NCKAP5: variants seen among roughly 807,000 people sequenced by gnomAD.
NCKAP5 encodes the protein NCK associated protein 5.
A neutral mutation model predicts 167.0 loss-of-function variants in NCKAP5; 92 were observed. The observed-to-expected ratio is 0.55, with a 90% CI of 0.47 to 0.66. The LOEUF (loss-of-function observed/expected upper bound fraction) is 0.66, where lower values mean the gene tolerates loss of function less well. NCKAP5 is among the 30% of genes least tolerant of loss of function. The probability of loss-of-function intolerance (pLI) is 0.00; values close to 1 mark genes in which losing one functional copy is unlikely to be tolerated. For synonymous variants in NCKAP5, 891 were observed against 877.4 expected (o/e 1.02, Z -0.27); for missense variants, 2,378 against 2,315.0 (o/e 1.03, Z -0.56).
intron 15 of NCKAP5, 78 bp from the exon 16 acceptor site, chr2:132,773,972 A>G (rs1050729129): frequency 2.6e-6 from 3 of 1,175,314 alleles, no homozygotes; most frequent in African/African-American, 3.1e-5. Context: ...GAGTAATGGT[A>G]CATTCTATAA....
the NCKAP5 span, among the ~76,000 whole-genome samples, chr2:133,632,813 G>A: frequency 6.6e-6 from 1 of 152,332 alleles, no homozygotes; most frequent in Middle Eastern, 3.4e-3. Flanking sequence ...CTAAGTTAAA[G>A]ACCTGCAACT....
chr2:133,077,841 T>C (rs1450945656), intron 6 of NCKAP5, among the ~76,000 whole-genome samples: 1 of 152,188 alleles, frequency 6.6e-6, no homozygotes, highest in African/African-American at 2.4e-5. Context: ...TACAGTGACT[T>C]GTCCAAGACT....
chr2:132,895,089 T>C (rs1693041962), intron 8 of NCKAP5, among the ~76,000 whole-genome samples: 2 of 152,064 alleles, frequency 1.3e-5, no homozygotes. Context: ...CCCAGCACTT[T>C]GGGAGGCCAA....
At chr2:133,282,609 G>T (rs148023002) in intron 4 of NCKAP5, among the ~76,000 whole-genome samples, 3 of 152,172 alleles carry the variant, frequency 2.0e-5, no homozygotes, top group African/African-American at 7.2e-5. Flanking sequence ...TAACATGGAT[G>T]CAATCAGTGG....
chr2:133,343,795 A>C (rs922956788), intron 3 of NCKAP5, among the ~76,000 whole-genome samples: 10 of 152,344 alleles, frequency 6.6e-5, no homozygotes, highest in Admixed American at 4.6e-4. Flanking sequence ...CGTCGCCATA[A>C]GCAGTGGTAT....
chr2:133,159,234 A>T lies in NCKAP5; in HGVS notation c.208-29123T>A, dbSNP rs1583372. On this transcript the variant is annotated intron_variant, in intron 5 of 19. Coordinates refer to ENST00000409261, the MANE Select transcript of NCKAP5 (RefSeq NM_207363.3). ...CAAGGACTGAAGAGAGGCCTTTAGG[A>T]GCTGAGGTTGGTCCCCGGTTAAAAC... Among the ~76,000 whole-genome samples, 19 of 152,160 alleles carry T rather than the reference A, an allele frequency of 1.2e-4. No individual in the cohort carries two copies. The South Asian group carries it at 3.1e-3, about 25-fold the overall frequency.
At chr2:133,078,339 C>T (rs1462465722) in intron 6 of NCKAP5, among the ~76,000 whole-genome samples, 1 of 152,168 alleles carries the variant, frequency 6.6e-6, no homozygotes, top group Non-Finnish European at 1.5e-5. Flanking sequence ...TGAGGGGAAA[C>T]CAGTGTCTCA....
At chr2:133,486,342 C>A (rs536583277) in intron 3 of NCKAP5, among the ~76,000 whole-genome samples, 15 of 152,280 alleles carry the variant, frequency 9.9e-5, no homozygotes, top group African/African-American at 3.6e-4. Flanking sequence ...TGTTCAATTG[C>A]ATTTGAGATA....
intron 3 of NCKAP5, among the ~76,000 whole-genome samples, chr2:133,347,716 C>A (rs931307053): frequency 6.6e-6 from 1 of 152,020 alleles, no homozygotes; most frequent in Non-Finnish European, 1.5e-5. Flanking sequence ...TTCTGGCCTC[C>A]CCTCTGACCT....
At chr2:133,365,309 T>C (rs1685382357) in intron 3 of NCKAP5, among the ~76,000 whole-genome samples, 1 of 152,212 alleles carries the variant, frequency 6.6e-6, no homozygotes, top group Non-Finnish European at 1.5e-5. Context: ...CCCTACTAGC[T>C]GGCGAAGCAC....
the NCKAP5 span, among the ~76,000 whole-genome samples, chr2:133,647,148 G>A: frequency 6.6e-6 from 1 of 151,962 alleles, no homozygotes; most frequent in African/African-American, 2.4e-5. Flanking sequence ...ACTAGCCTGT[G>A]CAACATAGCA....
At chr2:133,199,057 A>T (rs1389243152) in intron 5 of NCKAP5, among the ~76,000 whole-genome samples, 1 of 152,068 alleles carries the variant, frequency 6.6e-6, no homozygotes, top group East Asian at 1.9e-4. Flanking sequence ...ATCTACATTT[A>T]AAAAAATACA....
intron 5 of NCKAP5, among the ~76,000 whole-genome samples, chr2:133,164,233 C>A (rs1212916867): frequency 1.3e-5 from 2 of 152,118 alleles, no homozygotes; most frequent in South Asian, 4.1e-4. Context: ...AAGAAAAAAA[C>A]CAACTATGGT....
intron 7 of NCKAP5, among the ~76,000 whole-genome samples, chr2:132,978,296 T>C (rs2077035241): frequency 6.6e-6 from 1 of 152,312 alleles, no homozygotes; most frequent in Middle Eastern, 3.4e-3. Context: ...ATAAATAGTC[T>C]TCTAGATTTC....
intron 8 of NCKAP5, among the ~76,000 whole-genome samples, chr2:132,894,034 G>C (rs776528827): frequency 3.9e-5 from 6 of 152,202 alleles, no homozygotes; most frequent in Non-Finnish European, 7.3e-5. Context: ...CATGAGATGA[G>C]AGAGGGAAGA....
intron 6 of NCKAP5, chr2:133,122,754 C>T (rs2082288331): frequency 6.6e-6 from 1 of 152,132 alleles, no homozygotes; most frequent in Non-Finnish European, 1.5e-5. Flanking sequence ...ACAGCATGGA[C>T]AATAAGACAG....
the NCKAP5 span, among the ~76,000 whole-genome samples, chr2:133,651,113 G>A: frequency 6.6e-6 from 1 of 152,110 alleles, no homozygotes; most frequent in African/African-American, 2.4e-5. Flanking sequence ...CATTGGTCCT[G>A]ACAATGATTT....
At chr2:133,518,024 C>G (rs1193078302) in intron 2 of NCKAP5, among the ~76,000 whole-genome samples, 1 of 152,102 alleles carries the variant, frequency 6.6e-6, no homozygotes, top group African/African-American at 2.4e-5. Context: ...TGAAGGGAAA[C>G]TGAAACATGA....
chr2:132,811,607 C>T (rs570683229), intron 11 of NCKAP5, among the ~76,000 whole-genome samples: 1 of 152,128 alleles, frequency 6.6e-6, no homozygotes, highest in Admixed American at 6.5e-5. Flanking sequence ...ATGCTCCCCC[C>T]AACCCTGCCC....
Sources: gnomAD v4.1 joint callset for allele counts (sites outside exome capture counted in the v4.1 genomes callset) on GRCh38, gnomAD v4.1.1 for gene constraint, MANE v1.5 for transcripts, NCBI Gene and HGNC (gene_info 2026-07-23, HGNC 2026-07-21) for gene names.